The following TMEM132C variants were observed in gnomAD, a reference collection of about 807,000 sequenced individuals.
TMEM132C encodes protein phosphatase 1, regulatory subunit 152.
A neutral mutation model predicts 61.4 loss-of-function variants in TMEM132C; 29 were observed. That is an observed-to-expected ratio of 0.47 (90% CI 0.35 to 0.64). TMEM132C has a LOEUF of 0.64. Among genes scored for constraint, TMEM132C ranks in the 30% least tolerant of loss-of-function variants. The pLI, the probability that TMEM132C is intolerant of heterozygous loss-of-function variation, is 0.00. For synonymous variants in TMEM132C, 656 were observed against 633.1 expected, an observed-to-expected ratio of 1.04 and a Z score of -0.54; for missense variants, 1,408 against 1,476.9, an observed-to-expected ratio of 0.95 and a Z score of 0.76.
intron 2 of TMEM132C, among the ~76,000 whole-genome samples, chr12:128,491,273 A>G (rs1275908966): frequency 1.3e-5 from 2 of 152,158 alleles, no homozygotes; most frequent in Non-Finnish European, 2.9e-5. Flanking sequence ...TGGAGCCTCC[A>G]TTTTTCTTGA....
intron 1 of TMEM132C, among the ~76,000 whole-genome samples, chr12:128,372,695 T>C (rs1242352513): frequency 6.6e-6 from 1 of 151,560 alleles, no homozygotes; most frequent in Non-Finnish European, 1.5e-5. Flanking sequence ...CAAGGGGAAA[T>C]GTGGGCTGAG....
chr12:128,631,638 A>T (rs1456116190), intron 4 of TMEM132C, among the ~76,000 whole-genome samples: 4 of 152,256 alleles, frequency 2.6e-5, no homozygotes, highest in African/African-American at 9.6e-5. Flanking sequence ...GGCTTAATCC[A>T]AATGGAGAAT....
At chr12:128,339,907 A>T (rs1349393347) in intron 1 of TMEM132C, among the ~76,000 whole-genome samples, 2 of 152,186 alleles carry the variant, frequency 1.3e-5, no homozygotes, top group African/African-American at 4.8e-5. Flanking sequence ...TGTGAGGACA[A>T]TTCCTGGCCA....
chr12:128,269,343 A>G (rs545703955), intron 1 of TMEM132C, among the ~76,000 whole-genome samples: 77 of 38,094 alleles, frequency 2.0e-3, no homozygotes, highest in African/African-American at 0.01. Flanking sequence ...TAAGGCTCAC[A>G]TTCCGTGTGT....
At chr12:128,620,984 C>T (rs764092891) in intron 4 of TMEM132C, among the ~76,000 whole-genome samples, 5 of 152,014 alleles carry the variant, frequency 3.3e-5, no homozygotes, top group Non-Finnish European at 5.9e-5. Flanking sequence ...TTCATTAGGG[C>T]TTGAGAGATC....
chr12:128,540,020 T>A (rs1873679146), intron 2 of TMEM132C, among the ~76,000 whole-genome samples: 1 of 152,154 alleles, frequency 6.6e-6, no homozygotes, highest in Non-Finnish European at 1.5e-5. Flanking sequence ...CTCAAAGCCA[T>A]CCTCTTAATT....
intron 1 of TMEM132C, among the ~76,000 whole-genome samples, chr12:128,321,069 C>T (rs2135935002): frequency 6.6e-6 from 1 of 150,890 alleles, no homozygotes; most frequent in African/African-American, 2.4e-5. Context: ...AAACCATTAA[C>T]ACTAAAGAGG....
chr12:128,454,267 G>T (rs1487591708), intron 2 of TMEM132C, among the ~76,000 whole-genome samples: 4 of 152,166 alleles, frequency 2.6e-5, no homozygotes, highest in African/African-American at 7.2e-5. Context: ...TAATCCACAG[G>T]AGGTTAATGC....
chr12:128,356,835 A>G (rs1158219937), intron 1 of TMEM132C, among the ~76,000 whole-genome samples: 2 of 152,222 alleles, frequency 1.3e-5, no homozygotes, highest in African/African-American at 4.8e-5. Context: ...TGGGGGCAGG[A>G]CTTTCTTGCA....
chr12:128,427,265 G>A (rs934221916), intron 2 of TMEM132C, among the ~76,000 whole-genome samples: 3 of 152,106 alleles, frequency 2.0e-5, no homozygotes, highest in Admixed American at 1.3e-4. Flanking sequence ...TGATTGCATC[G>A]TGCTTGTTGA....
At chr12:128,556,809 G>A (rs560735157) in intron 3 of TMEM132C, among the ~76,000 whole-genome samples, 2 of 152,150 alleles carry the variant, frequency 1.3e-5, no homozygotes, top group African/African-American at 2.4e-5. Context: ...AATAGAGCAT[G>A]GTGTCCAGCT....
At chr12:128,600,952 C>G (rs925379675) in intron 3 of TMEM132C, among the ~76,000 whole-genome samples, 1 of 152,160 alleles carries the variant, frequency 6.6e-6, no homozygotes, top group Non-Finnish European at 1.5e-5. Flanking sequence ...CCATCAATTA[C>G]GAAAATTAAC....
intron 2 of TMEM132C, among the ~76,000 whole-genome samples, chr12:128,523,989 G>C (rs1396030379): frequency 6.7e-6 from 1 of 148,570 alleles, no homozygotes. Context: ...CTCCAGCCTG[G>C]GCAACAGAGC....
chr12:128,531,151 C>T (rs918989329), intron 2 of TMEM132C, among the ~76,000 whole-genome samples: 6 of 152,180 alleles, frequency 3.9e-5, no homozygotes, highest in African/African-American at 1.4e-4. Flanking sequence ...GGAGTAGCCC[C>T]TTGCTGGGGA....
chr12:128,623,315 T>C (rs966101069), intron 4 of TMEM132C, among the ~76,000 whole-genome samples: 14 of 152,144 alleles, frequency 9.2e-5, no homozygotes, highest in African/African-American at 3.4e-4. Flanking sequence ...ATTATGGGAC[T>C]TGCTTTACTT....
intron 2 of TMEM132C, among the ~76,000 whole-genome samples, chr12:128,442,164 A>T (rs1279525673): frequency 2.6e-5 from 4 of 152,174 alleles, no homozygotes; most frequent in African/African-American, 7.2e-5. Context: ...CTGAAACCTC[A>T]GTCCCCTCCC....
intron 4 of TMEM132C, among the ~76,000 whole-genome samples, chr12:128,640,958 C>T (rs981506535): frequency 2.0e-5 from 3 of 152,178 alleles, no homozygotes; most frequent in Non-Finnish European, 2.9e-5. Flanking sequence ...AAACTGTTTT[C>T]TAAAAGTGTG....
chr12:128,402,975 A>G (rs931680969), intron 1 of TMEM132C, among the ~76,000 whole-genome samples: 1 of 152,166 alleles, frequency 6.6e-6, no homozygotes, highest in African/African-American at 2.4e-5. Flanking sequence ...AAAGGGGGGA[A>G]CTATCCCCCC....
chr12:128,663,219 G>A (rs35811868), intron 4 of TMEM132C, among the ~76,000 whole-genome samples: 112,546 of 152,124 alleles, frequency 0.74, 41,920 homozygotes, highest in African/African-American at 0.84. Context: ...CACAAAAGGA[G>A]ACGTCGTACC....
Sources: allele counts gnomAD v4.1 joint callset (sites outside exome capture counted in the v4.1 genomes callset), GRCh38; gene constraint gnomAD v4.1.1; transcripts MANE v1.5; gene names NCBI Gene and HGNC (gene_info 2026-07-23, HGNC 2026-07-21).